The following MACROD2 variants were observed in gnomAD, a reference collection of about 807,000 sequenced individuals.
The protein encoded by MACROD2 is mono-ADP ribosylhydrolase 2.
Under a neutral mutation model 70.4 loss-of-function variants are expected in MACROD2, and 36 were observed. That is an observed-to-expected ratio of 0.51 (90% CI 0.39 to 0.68). The LOEUF is 0.68. MACROD2 is among the 30% of genes least tolerant of loss of function. The pLI is 0.00. For synonymous variants in MACROD2, 172 were observed against 178.8 expected, an observed-to-expected ratio of 0.96 and a Z score of 0.30; for missense variants, 496 against 538.4, an observed-to-expected ratio of 0.92 and a Z score of 0.78.
At chr20:15,659,520 T>C (rs1019072030) in intron 8 of MACROD2, among the ~76,000 whole-genome samples, 4 of 152,046 alleles carry the variant, frequency 2.6e-5, no homozygotes, top group African/African-American at 4.8e-5. Flanking sequence ...CCATGTCGTC[T>C]TGACCACCTA....
At chr20:15,762,205 C>CATTTTTTCA (rs1202230131) in intron 8 of MACROD2, among the ~76,000 whole-genome samples, 10 of 152,120 alleles carry the variant, frequency 6.6e-5, no homozygotes, top group African/African-American at 2.2e-4. Context: ...ATACTACAGA[C>CATTTTTTCA]TACTGTTCAT....
intron 5 of MACROD2, among the ~76,000 whole-genome samples, chr20:14,867,876 C>T (rs186938156): frequency 1.3e-5 from 2 of 152,056 alleles, no homozygotes; most frequent in African/African-American, 2.4e-5. Context: ...CTTTAATGAC[C>T]GATGGTCACT....
intron 4 of MACROD2, among the ~76,000 whole-genome samples, chr20:14,536,148 C>A (rs2423806): frequency 7.2e-5 from 11 of 152,050 alleles, no homozygotes; most frequent in African/African-American, 2.7e-4. Flanking sequence ...GAACTTTCCC[C>A]TGATACCCAA....
intron 3 of MACROD2, among the ~76,000 whole-genome samples, chr20:14,465,758 G>A (rs1326291927): frequency 2.0e-5 from 3 of 152,072 alleles, no homozygotes; most frequent in African/African-American, 7.3e-5. Flanking sequence ...GCATTTGCTT[G>A]TCTGTAAAGT....
At chr20:15,461,827 T>G (rs2046823303) in intron 7 of MACROD2, among the ~76,000 whole-genome samples, 2 of 152,180 alleles carry the variant, frequency 1.3e-5, no homozygotes, top group Admixed American at 1.3e-4. Flanking sequence ...AACTGAGGAT[T>G]CTTCCCGAAT....
At chr20:15,017,119 C>T (rs2075127705) in intron 5 of MACROD2, among the ~76,000 whole-genome samples, 1 of 152,156 alleles carries the variant, frequency 6.6e-6, no homozygotes, top group South Asian at 2.1e-4. Flanking sequence ...TCATCTGAGA[C>T]AAGTCAAGTC....
At chr20:15,785,758 C>T in intron 8 of MACROD2, among the ~76,000 whole-genome samples, 1 of 152,082 alleles carries the variant, frequency 6.6e-6, no homozygotes, top group Non-Finnish European at 1.5e-5. Flanking sequence ...ACATATCCCA[C>T]CGTGCTTTCT....
chr20:15,097,337 C>T (rs1312901090), intron 5 of MACROD2, among the ~76,000 whole-genome samples: 2 of 152,058 alleles, frequency 1.3e-5, no homozygotes, highest in African/African-American at 4.8e-5. Context: ...TATCTTTGCA[C>T]AAAATGTAAT....
chr20:15,144,978 G>A (rs1227418697), intron 5 of MACROD2, among the ~76,000 whole-genome samples: 1 of 152,078 alleles, frequency 6.6e-6, no homozygotes, highest in East Asian at 1.9e-4. Flanking sequence ...TTTGGCACTT[G>A]TGTGGTACAT....
chr20:15,741,527 T>C (rs1014410955), intron 8 of MACROD2, among the ~76,000 whole-genome samples: 1 of 152,132 alleles, frequency 6.6e-6, no homozygotes, highest in Non-Finnish European at 1.5e-5. Context: ...TTTTACAGTA[T>C]GGAACCCTCT....
chr20:15,184,082 G>T (rs1312518731), intron 5 of MACROD2, among the ~76,000 whole-genome samples: 2 of 120,088 alleles, frequency 1.7e-5, no homozygotes, highest in African/African-American at 5.2e-5. Flanking sequence ...ATGTTTCAAG[G>T]AACCCTCCCC....
rs1006780626 is a variant in MACROD2, at chr20:15,621,604, A to T, written c.645+121757A>T. Among the ~76,000 whole-genome samples, 14 of 152,308 alleles carry T rather than the reference A, an allele frequency of 9.2e-5. No individual in the cohort carries two copies. The South Asian group carries it at 1.0e-3, about 11-fold the overall frequency. On this transcript the variant is annotated intron_variant, in intron 8 of 17. Coordinates refer to ENST00000684519, the MANE Select transcript of MACROD2 (RefSeq NM_001351661.2). ...ACTTATTTAAAGTTGAAAGAGAATA[A>T]TTTGCATCTGGAGGAAGGTGTTGTA...
At chr20:15,495,207 C>T (rs1184951888) in intron 7 of MACROD2, among the ~76,000 whole-genome samples, 1 of 152,170 alleles carries the variant, frequency 6.6e-6, no homozygotes, top group East Asian at 1.9e-4. Context: ...GAAGTCCATC[C>T]CTAGGCTAAA....
intron 3 of MACROD2, among the ~76,000 whole-genome samples, chr20:14,229,885 T>G (rs1365483701): frequency 6.6e-6 from 1 of 152,144 alleles, no homozygotes; most frequent in East Asian, 1.9e-4. Context: ...ACACTGCAGT[T>G]TTGGTTTCAG....
At chr20:14,203,492 C>T (rs561162149) in intron 3 of MACROD2, among the ~76,000 whole-genome samples, 1 of 152,190 alleles carries the variant, frequency 6.6e-6, no homozygotes, top group East Asian at 1.9e-4. Context: ...GATACCTGTG[C>T]ATCTGATGTA....
chr20:15,815,931 A>C (rs1265096250), intron 8 of MACROD2, among the ~76,000 whole-genome samples: 1 of 152,138 alleles, frequency 6.6e-6, no homozygotes, highest in Non-Finnish European at 1.5e-5. Flanking sequence ...TGTAACCTGA[A>C]TATCTGAGGA....
At chr20:15,250,378 G>A (rs1431448692) in intron 6 of MACROD2, among the ~76,000 whole-genome samples, 2 of 152,130 alleles carry the variant, frequency 1.3e-5, no homozygotes, top group East Asian at 3.9e-4. Context: ...ATTGTTCCAC[G>A]ATTTCCATGA....
chr20:15,196,895 G>A (rs979159752), intron 5 of MACROD2: 1 of 985,246 alleles, frequency 1.0e-6, no homozygotes, highest in Admixed American at 6.2e-5. Flanking sequence ...GGCCTTACCA[G>A]GGATGCACTT....
intron 15 of MACROD2, among the ~76,000 whole-genome samples, chr20:15,990,291 A>C (rs1286355434): frequency 6.6e-6 from 1 of 152,190 alleles, no homozygotes; most frequent in Non-Finnish European, 1.5e-5. Context: ...ATCTCCTCTG[A>C]AAAGGATCTC....
Sources: gnomAD v4.1 joint callset for allele counts (sites outside exome capture counted in the v4.1 genomes callset) on GRCh38, gnomAD v4.1.1 for gene constraint, MANE v1.5 for transcripts, NCBI Gene and HGNC (gene_info 2026-07-23, HGNC 2026-07-21) for gene names.